Variants in KIAA1755 observed in about 807,000 individuals in gnomAD.
The protein encoded by KIAA1755 is KIAA1755.
In KIAA1755, 68 loss-of-function variants were observed where a neutral mutation model predicts 91.7. That is an observed-to-expected ratio of 0.74 (90% CI 0.61 to 0.91). KIAA1755 has a LOEUF of 0.91. Among genes scored for constraint, KIAA1755 ranks in the 40% least tolerant of loss-of-function variants. KIAA1755 has a pLI of 0.00. For synonymous variants in KIAA1755, 610 were observed against 604.6 expected (o/e 1.01, Z -0.13); for missense variants, 1,535 against 1,494.4 (o/e 1.03, Z -0.45).
intron 9 of KIAA1755, 37 bp from the exon 10 acceptor site, chr20:38,222,634 C>G (rs1159300699): frequency 6.2e-7 from 1 of 1,603,836 alleles, no homozygotes; most frequent in Non-Finnish European, 8.5e-7. Flanking sequence ...GCCCCATCCC[C>G]ACTCTCCCTC....
chr20:38,245,176 T>C (rs2076134492), intron 2 of KIAA1755, among the ~76,000 whole-genome samples: 1 of 152,272 alleles, frequency 6.6e-6, no homozygotes, highest in South Asian at 2.1e-4. Context: ...TCAGGATCCT[T>C]CCTTGAGATT....
Position 38,241,830 on chromosome 20 carries a change from G to C in KIAA1755, c.301C>G (p.Arg101Gly), listed in dbSNP as rs368015320. ...HLAPLNPLLL[R>G]QGDFYLQVEP... The stretch of plus-strand genomic sequence containing the variant: ...ACTTGGAGGTAGAAGTCACCCTGGC[G>C]CAATAAGAGAGGGTTGAGGGGTGCC... Residue 101 changes from arginine (R) to glycine (G), a missense_variant, in exon 3 of 14, where the codon CGC becomes GGC. Coordinates refer to ENST00000279024, the MANE Select transcript of KIAA1755 (RefSeq NM_001029864.2). 3.8e-5 allele frequency: 62 copies of C among 1,614,102 alleles called. No individual in the cohort carries two copies. The South Asian group carries it at 6.8e-4, about 18-fold the overall frequency.
rs749738296 is a variant in KIAA1755 at position 38,227,245 on chromosome 20, C to G, written c.1966-5G>C. On this transcript the variant is annotated splice_region_variant and splice_polypyrimidine_tract_variant and intron_variant, in intron 6 of 13. Transcript: ENST00000279024. ...GATAGAGGCTGGGACCTGAGCCTGT[C>G]AAAGACAACCACTGCAGAGTTGCTC... is the stretch of plus-strand genomic sequence containing the variant. 3.7e-6 allele frequency: 6 copies of G among 1,611,606 alleles called. No homozygotes were observed. The highest frequency in any genetic ancestry group is 3.4e-6 in the Non-Finnish European group (4 of 1,178,070).
At chr20:38,215,160 C>T (rs545036720) in intron 13 of KIAA1755, among the ~76,000 whole-genome samples, 1 of 152,316 alleles carries the variant, frequency 6.6e-6, no homozygotes, top group African/African-American at 2.4e-5. Flanking sequence ...TGGATAGCAC[C>T]TCAGAAATCA....
At position 38,213,671 on chromosome 20, in the gene KIAA1755, G is replaced by T; in HGVS notation, c.2974C>A (p.Pro992Thr). 1 of 1,593,526 alleles carries T rather than the reference G, an allele frequency of 6.3e-7. No individual in the cohort carries two copies. Among genetic ancestry groups the T allele is most frequent in the Non-Finnish European group, 8.5e-7 (1 of 1,169,794 alleles). Reference sequence around the variant, plus strand: ...CGGTGGAGGCGGCGCTGGTCCCCAGGACTGACCCTTGAGGTCTTGTCCAGC... The same window carrying T: ...CGGTGGAGGCGGCGCTGGTCCCCAGTACTGACCCTTGAGGTCTTGTCCAGC... ...LRLDKTSRVS[P>T]GDQRRLHRYL... Residue 992 changes from proline (P) to threonine (T), a missense_variant, in exon 14 of 14, where the codon CCT (proline) becomes ACT (threonine). Coordinates refer to ENST00000279024, the MANE Select transcript of KIAA1755 (RefSeq NM_001029864.2).
chr20:38,222,257 C>T (rs1323176806), intron 10 of KIAA1755, among the ~76,000 whole-genome samples, 192 bp downstream of exon 10: 2 of 152,208 alleles, frequency 1.3e-5, no homozygotes. Flanking sequence ...AGAGAAGGGG[C>T]GAGGAAATTG....
chr20:38,227,320 C>A, intron 6 of KIAA1755, 80 bp from the exon 7 acceptor site: 1 of 1,078,474 alleles, frequency 9.3e-7, no homozygotes, highest in Non-Finnish European at 1.4e-6. Context: ...TCCTTCATCC[C>A]CTGTAAGATG....
chr20:38,236,544 G>A (rs1311125796), intron 4 of KIAA1755, among the ~76,000 whole-genome samples: 1 of 152,176 alleles, frequency 6.6e-6, no homozygotes, highest in African/African-American at 2.4e-5. Flanking sequence ...GCAAAATTGT[G>A]GCCAGTGAGG....
At position 38,219,678 on chromosome 20, in the gene KIAA1755, C is replaced by A. The variant is rs775092316; in HGVS notation, c.2508G>T (p.Lys836Asn). ...LVTASNSLLG[K>N]LELRVRLGRL... Reference sequence around the variant, plus strand: ...GGCCCAGGCGGACACGGAGCTCCAGCTTCCCCAGGAGGCTGTTGGAAGCGG... The same window carrying A: ...GGCCCAGGCGGACACGGAGCTCCAGATTCCCCAGGAGGCTGTTGGAAGCGG... Residue 836 changes from lysine (K) to asparagine (N), a missense_variant, in exon 11 of 14, where the codon AAG becomes AAT. By Grantham distance (94) the Lys-to-Asn change is moderately conservative (BLOSUM62 0). Transcript: ENST00000279024. 4 of 1,614,180 alleles carry A rather than the reference C, an allele frequency of 2.5e-6. No homozygotes were observed. The highest frequency in any genetic ancestry group is 3.4e-6 in the Non-Finnish European group (4 of 1,180,048).
Position 38,240,972 on chromosome 20 carries a change from G to A in KIAA1755, c.1159C>T (p.Leu387Phe), listed in dbSNP as rs780804213. ...LEDALDCASG[L>F]RAGVSQEPAA... ...GGCTCTTGTGAGACACCTGCCCTGA[G>A]ACCAGAGGCACAGTCCAGTGCGTCC... Residue 387 changes from leucine (L) to phenylalanine (F), a missense_variant, in exon 3 of 14, where the codon CTC becomes TTC. Transcript: ENST00000279024. The A allele has an allele frequency of 3.7e-6, 6 of 1,614,022 alleles. No homozygotes were observed. The highest frequency in any genetic ancestry group is 1.7e-5 in the Admixed American group (1 of 59,994).
chr20:38,247,253 C>T (rs1351190328), intron 1 of KIAA1755, among the ~76,000 whole-genome samples: 1 of 152,178 alleles, frequency 6.6e-6, no homozygotes, highest in Non-Finnish European at 1.5e-5. Context: ...CATCAGCCTC[C>T]AGGCATCCAG....
intron 13 of KIAA1755, among the ~76,000 whole-genome samples, chr20:38,215,833 T>C (rs2075534880): frequency 6.6e-6 from 1 of 152,116 alleles, no homozygotes; most frequent in Non-Finnish European, 1.5e-5. Flanking sequence ...ATAATAATAA[T>C]ATTGATGTTA....
At chr20:38,238,171 C>T (rs2075992556) in intron 4 of KIAA1755, among the ~76,000 whole-genome samples, 1 of 152,146 alleles carries the variant, frequency 6.6e-6, no homozygotes, top group South Asian at 2.1e-4. Context: ...ATAGCAGAGC[C>T]TTCCATGGAC....
chr20:38,213,790 G>A, intron 13 of KIAA1755, 47 bp from the exon 14 acceptor site: 1 of 1,308,864 alleles, frequency 7.6e-7, no homozygotes. Context: ...CTGGAAGTGG[G>A]ACCATGGAGG....
chr20:38,225,763 A>G lies in KIAA1755; in HGVS notation c.2071T>C (p.Leu691=). 1.3e-6 allele frequency: 2 copies of G among 1,587,218 alleles called. No homozygotes were observed. The highest frequency in any genetic ancestry group is 1.7e-6 in the Non-Finnish European group (2 of 1,168,436). The change falls in exon 8 of 14, where the codon TTG becomes CTG. Residue 691 remains leucine (L), a synonymous_variant. Coordinates refer to ENST00000279024, the MANE Select transcript of KIAA1755 (RefSeq NM_001029864.2). ...PDVQVEVLTS[L]KALSHHVDPS... is the part of the protein sequence containing the mutation. Reference sequence around the variant, plus strand: ...TCCACATGGTGGCTGAGGGCCTTCAATGAGGTCAGCACCTCCACCTGCAGA... The same window carrying G: ...TCCACATGGTGGCTGAGGGCCTTCAGTGAGGTCAGCACCTCCACCTGCAGA...
intron 10 of KIAA1755, among the ~76,000 whole-genome samples, chr20:38,220,153 T>C (rs1405398484): frequency 1.3e-5 from 2 of 152,134 alleles, no homozygotes; most frequent in Non-Finnish European, 2.9e-5. Flanking sequence ...CATAGCATGG[T>C]TGTAAGGATT....
rs548016845 is a variant in KIAA1755 at position 38,239,842 on chromosome 20, C to A, written c.1550-117G>T. 6.2e-5 allele frequency: 61 copies of A among 976,630 alleles called. No homozygotes were observed. The Middle Eastern group carries it at 1.3e-3, about 21-fold the overall frequency. The allele number at this position is 976,630 out of a possible 1,614,324, so 60.5% of individuals were successfully genotyped here. A position where few individuals can be genotyped will look rare whatever the true frequency, so the allele number is the denominator to read the frequency against. ...ATAGCTTACAACTATTGATCTCTCC[C>A]ATGTGCCAGGCATTGCGCTAAGCCC... On this transcript the variant is annotated intron_variant, in intron 3 of 13. Transcript: ENST00000279024.
In KIAA1755 at chr20:38,240,867, A is replaced by T. The variant is rs1438176798; in HGVS notation, c.1264T>A (p.Ser422Thr). ...GGAGAAGCTGGGGACAGGCGGGGAG[A>T]GGAGGCTTGTCTTGGTCCAGGCCTG... Reference protein sequence around the residue: ...QLRPGPRQASSPRLSPASPAA... With the variant: ...QLRPGPRQASTPRLSPASPAA... The change falls in exon 3 of 14, where the codon TCT (serine) becomes ACT (threonine). Residue 422 changes from serine (S) to threonine (T), a missense_variant. Ser to Thr is a moderately conservative substitution (Grantham distance 58). Coordinates refer to ENST00000279024, the MANE Select transcript of KIAA1755 (RefSeq NM_001029864.2). 2.5e-6 allele frequency: 4 copies of T among 1,613,782 alleles called. No individual in the cohort carries two copies. The highest frequency in any genetic ancestry group is 1.7e-4 in the Middle Eastern group (1 of 6,052).
At chr20:38,246,204 C>T (rs983116633) in intron 1 of KIAA1755, 78 bp from the exon 2 acceptor site, 3 of 1,227,474 alleles carry the variant, frequency 2.4e-6, no homozygotes, top group Non-Finnish European at 3.5e-6. Context: ...CTTCCAGGCC[C>T]CATATGCCTA....
Sources: allele counts gnomAD v4.1 joint callset (sites outside exome capture counted in the v4.1 genomes callset), GRCh38; gene constraint gnomAD v4.1.1; transcripts MANE v1.5; gene names NCBI Gene and HGNC (gene_info 2026-07-23, HGNC 2026-07-21).